Variants in NUP54 observed in about 807,000 individuals in gnomAD.
NUP54 encodes the protein nucleoporin p54.
Under a neutral mutation model 66.4 loss-of-function variants are expected in NUP54, and 27 were observed. The observed-to-expected ratio is 0.41, with a 90% CI of 0.30 to 0.56. The LOEUF (loss-of-function observed/expected upper bound fraction) is 0.56. Among genes scored for constraint, NUP54 ranks in the 20% least tolerant of loss-of-function variants. The pLI, the probability that NUP54 is intolerant of heterozygous loss-of-function variation, is 0.34. For missense variants in NUP54, 486 were observed against 596.3 expected (o/e 0.82, Z 1.93); for synonymous variants, 206 against 210.7 (o/e 0.98, Z 0.19).
Position 76,124,757 on chromosome 4 carries a change from C to A in NUP54, c.1057-1G>T, listed in dbSNP as rs1344589218. On this transcript the variant is annotated splice_acceptor_variant, in intron 8 of 11. Coordinates refer to ENST00000264883, the MANE Select transcript of NUP54 (RefSeq NM_017426.4). LOFTEE classifies it high-confidence loss of function. ...GCTCACTAATATCTTCAGATATGAT[C>A]TGTTTAAAAAAAAATTGGGGGGGGG... The A allele has an allele frequency of 8.6e-7, 1 of 1,160,360 alleles. No homozygotes were observed. The highest frequency in any genetic ancestry group is 1.2e-6 in the Non-Finnish European group (1 of 814,072). The allele number at this position is 1,160,360 out of a possible 1,614,324, so 71.9% of individuals were successfully genotyped here. A position where few individuals can be genotyped will look rare whatever the true frequency, so the allele number is the denominator to read the frequency against.
intron 1 of NUP54, chr4:76,145,802 C>A: frequency 3.9e-6 from 1 of 257,322 alleles, no homozygotes; most frequent in Non-Finnish European, 7.6e-6. Flanking sequence ...ATCAATATTG[C>A]AATATAGAAA....
At chr4:76,132,860 C>CTTTT in intron 5 of NUP54, 141 bp from the exon 6 acceptor site, 6 of 516,398 alleles carry the variant, frequency 1.2e-5, no homozygotes, top group South Asian at 2.6e-5. Flanking sequence ...AAAATGTTTC[C>CTTTT]TTTTTTTTTT....
intron 8 of NUP54, among the ~76,000 whole-genome samples, chr4:76,125,865 GGA>G (rs72044977): frequency 2.2e-5 from 2 of 90,046 alleles, no homozygotes; most frequent in African/African-American, 4.6e-5. Context: ...GGAGGGGGAG[GGA>G]GAGAGAGAGA....
At chr4:76,147,647 G>T in intron 1 of NUP54, 1 of 1,284,268 alleles carries the variant, frequency 7.8e-7, no homozygotes, top group Non-Finnish European at 1.0e-6. Context: ...AATCCTGATA[G>T]GCGTGTAGGC....
intron 8 of NUP54, among the ~76,000 whole-genome samples, chr4:76,125,352 G>GCGC (rs1553942222): frequency 2.2e-5 from 3 of 137,122 alleles, no homozygotes; most frequent in East Asian, 2.3e-4. Flanking sequence ...ACACACACAC[G>GCGC]GCTGGGCACA....
intron 11 of NUP54, 146 bp downstream of exon 11, chr4:76,117,518 C>A (rs1730002540): frequency 1.7e-6 from 1 of 571,996 alleles, no homozygotes; most frequent in Non-Finnish European, 3.1e-6. Context: ...AGAGGCTGAA[C>A]CATTTTACAT....
At chr4:76,147,337 C>T (rs930867275) in intron 1 of NUP54, 12 of 460,980 alleles carry the variant, frequency 2.6e-5, no homozygotes, top group African/African-American at 2.3e-4. Context: ...AAACTTGATA[C>T]AGATGTTTTT....
intron 3 of NUP54, among the ~76,000 whole-genome samples, chr4:76,141,995 A>T (rs1731285964): frequency 6.6e-6 from 1 of 152,172 alleles, no homozygotes; most frequent in East Asian, 1.9e-4. Context: ...CTCCTTGACT[A>T]TGAGCAAGGA....
chr4:76,148,205 C>G, intron 1 of NUP54, 103 bp downstream of exon 1: 1 of 917,744 alleles, frequency 1.1e-6, no homozygotes. Context: ...GTCTCCGCGT[C>G]GGCGGGAGAT....
chr4:76,135,029 A>G (rs1730973782), intron 4 of NUP54, among the ~76,000 whole-genome samples: 1 of 150,990 alleles, frequency 6.6e-6, no homozygotes, highest in Non-Finnish European at 1.5e-5. Flanking sequence ...GATGTAACCC[A>G]TAATAAGTTG....
chr4:76,132,520 T>C lies in NUP54; in HGVS notation c.907+3A>G, dbSNP rs1730848367. ...TTTGAACTCTGTGATTCTAGAAACA[T>C]ACCAGCAGGAGGATTCTGTAAAAGC... On this transcript the variant is annotated splice_donor_region_variant and intron_variant, in intron 6 of 11. Coordinates refer to ENST00000264883, the MANE Select transcript of NUP54 (RefSeq NM_017426.4). 3 of 1,575,524 alleles carry C rather than the reference T, an allele frequency of 1.9e-6. No homozygotes were observed. Among genetic ancestry groups the C allele is most frequent in the Admixed American group, 1.8e-5 (1 of 54,560 alleles).
intron 3 of NUP54, among the ~76,000 whole-genome samples, chr4:76,142,048 A>G (rs1731288442): frequency 6.6e-6 from 1 of 152,160 alleles, no homozygotes; most frequent in African/African-American, 2.4e-5. Flanking sequence ...GACATACGAT[A>G]TATACAATAA....
intron 3 of NUP54, among the ~76,000 whole-genome samples, chr4:76,143,017 T>C (rs114725245): frequency 0.015 from 2,346 of 152,228 alleles, 55 homozygotes; most frequent in African/African-American, 0.053. Flanking sequence ...GCACTATTTG[T>C]AACCCCTAAT....
chr4:76,142,873 A>C (rs562547515), intron 3 of NUP54, among the ~76,000 whole-genome samples: 2 of 152,332 alleles, frequency 1.3e-5, no homozygotes, highest in Non-Finnish European at 2.9e-5. Flanking sequence ...AAAATTGGTC[A>C]TCTTTGGAGA....
chr4:76,128,134 A>G (rs73826329), intron 8 of NUP54, among the ~76,000 whole-genome samples: 1,791 of 152,276 alleles, frequency 0.012, 31 homozygotes, highest in African/African-American at 0.039. Flanking sequence ...GAGGAGATAC[A>G]TCGTATTACC....
chr4:76,125,344 A>AGTG (rs1560678408), intron 8 of NUP54, among the ~76,000 whole-genome samples: 1 of 149,698 alleles, frequency 6.7e-6, no homozygotes, highest in African/African-American at 2.5e-5. Context: ...ACACACACAC[A>AGTG]CACACACGGC....
At chr4:76,123,079 G>A (rs944632342) in intron 9 of NUP54, among the ~76,000 whole-genome samples, 2 of 152,192 alleles carry the variant, frequency 1.3e-5, no homozygotes, top group African/African-American at 2.4e-5. Context: ...GACTGACAAT[G>A]GGTACGGGAT....
chr4:76,129,909 T>G (rs1342739706), intron 8 of NUP54, among the ~76,000 whole-genome samples: 1 of 141,862 alleles, frequency 7.0e-6, no homozygotes, highest in Non-Finnish European at 1.5e-5. Context: ...GTTAAAAGAA[T>G]TGAAATCATA....
intron 8 of NUP54, among the ~76,000 whole-genome samples, chr4:76,128,396 G>GGAA (rs1553942673): frequency 2.3e-4 from 28 of 120,700 alleles, no homozygotes; most frequent in Non-Finnish European, 4.3e-4. Context: ...AGGAAATGCT[G>GGAA]AAAAAAAAAA....
Sources: allele counts gnomAD v4.1 joint callset (sites outside exome capture counted in the v4.1 genomes callset), GRCh38; gene constraint gnomAD v4.1.1; transcripts MANE v1.5; gene names NCBI Gene and HGNC (gene_info 2026-07-23, HGNC 2026-07-21).